DRC8: variants seen among roughly 807,000 people sequenced by gnomAD.
DRC8 encodes the protein dynein regulatory complex subunit 8.
chr1:244,980,294 G>A, the DRC8 span, among the ~76,000 whole-genome samples: 1 of 151,910 alleles, frequency 6.6e-6, no homozygotes, highest in Non-Finnish European at 1.5e-5. Context: ...GGAGGTGGAG[G>A]TTGCAGTGAG....
chr1:245,047,533 G>A, the DRC8 span, among the ~76,000 whole-genome samples: 2 of 151,120 alleles, frequency 1.3e-5, no homozygotes, highest in Non-Finnish European at 2.9e-5. Flanking sequence ...TACTTAGGAG[G>A]CTGAGGCAGG....
chr1:245,076,949 T>TC, the DRC8 span, among the ~76,000 whole-genome samples: 9 of 152,180 alleles, frequency 5.9e-5, no homozygotes, highest in East Asian at 1.7e-3. Flanking sequence ...ATGGTCTCGA[T>TC]CTCCTGACCT....
At chr1:245,040,230 C>T in the DRC8 span, among the ~76,000 whole-genome samples, 5 of 152,130 alleles carry the variant, frequency 3.3e-5, no homozygotes, top group Non-Finnish European at 5.9e-5. Context: ...TTAGGCCTTT[C>T]CCAACACAGA....
At chr1:245,002,769 A>G in the DRC8 span, among the ~76,000 whole-genome samples, 820 of 137,998 alleles carry the variant, frequency 5.9e-3, 11 homozygotes, top group African/African-American at 0.02. Context: ...TTTTTTTTTT[A>G]GTATTTTGAA....
the DRC8 span, among the ~76,000 whole-genome samples, chr1:244,994,222 C>T: frequency 2.6e-5 from 4 of 152,120 alleles, no homozygotes; most frequent in Non-Finnish European, 5.9e-5. Context: ...TTTTGGGAGT[C>T]CAAAGAACGT....
the DRC8 span, among the ~76,000 whole-genome samples, chr1:245,029,567 G>C: frequency 6.6e-6 from 1 of 151,510 alleles, no homozygotes; most frequent in Non-Finnish European, 1.5e-5. Flanking sequence ...CCAAAGTGTT[G>C]GGATTACAGG....
chr1:244,974,239 T>TCTTAGAGA, the DRC8 span, among the ~76,000 whole-genome samples: 1 of 152,342 alleles, frequency 6.6e-6, no homozygotes, highest in East Asian at 1.9e-4. Context: ...TGTTTCTGTC[T>TCTTAGAGA]CTTAGAGAAT....
the DRC8 span, among the ~76,000 whole-genome samples, chr1:245,105,557 C>T: frequency 5.8e-5 from 8 of 138,460 alleles, no homozygotes; most frequent in African/African-American, 1.8e-4. Context: ...CAGGACATGG[C>T]GGTTGCAGTG....
chr1:244,995,753 C>A, the DRC8 span, among the ~76,000 whole-genome samples: 3 of 152,224 alleles, frequency 2.0e-5, no homozygotes, highest in Non-Finnish European at 4.4e-5. Flanking sequence ...TTTCTACTTT[C>A]CATGTTGATA....
At chr1:245,065,663 A>T in the DRC8 span, among the ~76,000 whole-genome samples, 2 of 152,014 alleles carry the variant, frequency 1.3e-5, no homozygotes, top group African/African-American at 4.8e-5. Flanking sequence ...GTGTCTGATA[A>T]ACCTTGGCTG....
chr1:245,069,708 A>G, the DRC8 span, among the ~76,000 whole-genome samples: 84 of 152,328 alleles, frequency 5.5e-4, 1 homozygote, highest in South Asian at 0.017. Context: ...TTACACAACA[A>G]TGTACATGTA....
the DRC8 span, among the ~76,000 whole-genome samples, chr1:245,102,137 C>A: frequency 2.0e-5 from 3 of 152,098 alleles, no homozygotes; most frequent in Non-Finnish European, 2.9e-5. Context: ...AAATGGAGAC[C>A]ACAGAAATCT....
chr1:245,084,553 A>G, the DRC8 span, among the ~76,000 whole-genome samples: 5 of 152,180 alleles, frequency 3.3e-5, no homozygotes, highest in East Asian at 9.6e-4. Flanking sequence ...ATATGCCAAC[A>G]TATTTCCTTT....
At chr1:245,121,953 C>T in the DRC8 span, 1 of 417,498 alleles carries the variant, frequency 2.4e-6, no homozygotes, top group South Asian at 1.8e-5. Context: ...GGCTGAAGTG[C>T]AGTGGCGTGA....
At chr1:245,066,371 A>T in the DRC8 span, among the ~76,000 whole-genome samples, 2 of 152,200 alleles carry the variant, frequency 1.3e-5, no homozygotes, top group Admixed American at 6.5e-5. Flanking sequence ...TTAGAAAGAG[A>T]GCATTAGTAA....
the DRC8 span, among the ~76,000 whole-genome samples, chr1:244,980,968 A>G: frequency 2.0e-5 from 3 of 152,156 alleles, no homozygotes. Flanking sequence ...GGATTACCTG[A>G]GGTAGGCAGT....
chr1:245,030,881 C>T, the DRC8 span: 1 of 152,232 alleles, frequency 6.6e-6, no homozygotes, highest in African/African-American at 2.4e-5. Flanking sequence ...TAGTGTGTGC[C>T]TTTGTTGAGC....
the DRC8 span, among the ~76,000 whole-genome samples, chr1:245,056,941 A>AAAAAAAAAG: frequency 9.9e-5 from 15 of 151,890 alleles, no homozygotes; most frequent in East Asian, 2.1e-3. Flanking sequence ...ATCTCAAAAA[A>AAAAAAAAAG]AAAAAGAAAA....
chr1:245,094,608 T>C, the DRC8 span, among the ~76,000 whole-genome samples: 4 of 152,118 alleles, frequency 2.6e-5, no homozygotes, highest in Admixed American at 2.6e-4. Context: ...TAAATATAAA[T>C]TAAAACAAAT....
Sources: allele counts gnomAD v4.1 joint callset (sites outside exome capture counted in the v4.1 genomes callset), GRCh38; gene constraint gnomAD v4.1.1; transcripts MANE v1.5; gene names NCBI Gene and HGNC (gene_info 2026-07-23, HGNC 2026-07-21).